The following SULF1 variants were observed in gnomAD, a reference collection of about 807,000 sequenced individuals.
The protein encoded by SULF1 is sulfatase 1.
Under a neutral mutation model 110.5 loss-of-function variants are expected in SULF1, and 46 were observed. The observed-to-expected ratio is 0.42, with a 90% CI of 0.33 to 0.53. SULF1 has a LOEUF of 0.53. Ranked by LOEUF, SULF1 falls within the 20% of genes least tolerant of loss-of-function variation. The probability of loss-of-function intolerance (pLI) is 0.12; values close to 1 mark genes in which losing one functional copy is unlikely to be tolerated. For missense variants in SULF1, 941 were observed against 1,094.2 expected, an observed-to-expected ratio of 0.86 and a Z score of 1.98; for synonymous variants, 371 against 387.1, an observed-to-expected ratio of 0.96 and a Z score of 0.49.
intron 13 of SULF1, among the ~76,000 whole-genome samples, chr8:69,615,261 C>T (rs1809003655): frequency 6.6e-6 from 1 of 152,186 alleles, no homozygotes; most frequent in African/African-American, 2.4e-5. Flanking sequence ...CAGAGCAATT[C>T]TTTTAAAAAT....
At chr8:69,473,118 G>A (rs1809155065) in intron 1 of SULF1, 1 of 152,028 alleles carries the variant, frequency 6.6e-6, no homozygotes, top group Non-Finnish European at 1.5e-5. Context: ...GGTATTACAG[G>A]TGTGAGCAAC....
chr8:69,629,442 G>C, intron 18 of SULF1, 62 bp from the exon 19 acceptor site: 1 of 1,511,842 alleles, frequency 6.6e-7, no homozygotes, highest in Admixed American at 2.1e-5. Flanking sequence ...ACAGCAACAA[G>C]CCTATTTGTA....
chr8:69,658,201 T>C (rs1249436308), intron 22 of SULF1, among the ~76,000 whole-genome samples: 4 of 152,228 alleles, frequency 2.6e-5, no homozygotes, highest in Admixed American at 2.0e-4. Flanking sequence ...GGTTGCAAAG[T>C]TGATTTGAGT....
chr8:69,641,764 A>G (rs541387246), intron 22 of SULF1, among the ~76,000 whole-genome samples: 36 of 152,120 alleles, frequency 2.4e-4, no homozygotes, highest in Non-Finnish European at 4.4e-4. Flanking sequence ...TAAATAAATA[A>G]AAAAATAAAG....
intron 17 of SULF1, 87 bp downstream of exon 17, chr8:69,627,953 T>G (rs547867743): frequency 1.9e-6 from 2 of 1,031,788 alleles, no homozygotes; most frequent in Non-Finnish European, 3.0e-6. Flanking sequence ...TTTTCTCTCT[T>G]ACCTATAGAA....
Position 69,603,252 on chromosome 8 carries a change from C to T in SULF1, c.1122C>T (p.Leu374=), listed in dbSNP as rs1161567744. Residue 374 remains leucine, a synonymous_variant, in exon 11 of 23, where the codon CTC becomes CTT. Coordinates refer to ENST00000402687, the MANE Select transcript of SULF1 (RefSeq NM_001128205.2). ...LAPTILDIAG[L]DTPPDVDGKS... ...CCACGATCCTGGATATTGCTGGGCT[C>T]GACACACCTCCTGATGTGGACGGCA... is the stretch of plus-strand genomic sequence containing the variant. The T allele has an allele frequency of 7.4e-6, 12 of 1,614,148 alleles. No homozygotes were observed. Among genetic ancestry groups the T allele is most frequent in the Non-Finnish European group, 9.3e-6 (11 of 1,180,024 alleles).
intron 8 of SULF1, among the ~76,000 whole-genome samples, chr8:69,599,936 C>A (rs1339958581): frequency 1.3e-5 from 2 of 152,110 alleles, no homozygotes; most frequent in South Asian, 2.1e-4. Context: ...AGGACAATAT[C>A]CTTGTGGCTT....
intron 3 of SULF1, among the ~76,000 whole-genome samples, chr8:69,546,373 G>A (rs926530328): frequency 3.3e-5 from 5 of 152,148 alleles, no homozygotes; most frequent in Non-Finnish European, 5.9e-5. Context: ...TTATCCCCGT[G>A]GTCAGGCAAA....
At chr8:69,585,391 A>G (rs972822592) in intron 6 of SULF1, among the ~76,000 whole-genome samples, 4 of 152,164 alleles carry the variant, frequency 2.6e-5, no homozygotes, top group African/African-American at 9.7e-5. Flanking sequence ...CAGTATATTT[A>G]TGACTACCAT....
chr8:69,624,332 C>T, intron 15 of SULF1, 135 bp downstream of exon 15: 2 of 1,168,558 alleles, frequency 1.7e-6, no homozygotes, highest in Non-Finnish European at 2.4e-6. Context: ...GCCTATGTAG[C>T]AACTGGGGGT....
At position 69,629,570 on chromosome 8, in the gene SULF1, G is replaced by A. The variant is rs1810359005; in HGVS notation, c.2175G>A (p.Lys725=). The A allele has an allele frequency of 6.2e-7, 1 of 1,613,982 alleles. No homozygotes were observed. Residue 725 remains lysine, a synonymous_variant, in exon 19 of 23, where the codon AAG becomes AAA. Coordinates refer to ENST00000402687, the MANE Select transcript of SULF1 (RefSeq NM_001128205.2). Reference sequence around the variant, plus strand: ...AGGAGAACAACCGTAGGAGGAAGAAGGAGAGGAAGGAGAAGAGACGGCAGA... The same window carrying A: ...AGGAGAACAACCGTAGGAGGAAGAAAGAGAGGAAGGAGAAGAGACGGCAGA... ...LFKENNRRRK[K]ERKEKRRQRK...
At chr8:69,540,360 T>C (rs1813775865) in intron 3 of SULF1, among the ~76,000 whole-genome samples, 1 of 152,260 alleles carries the variant, frequency 6.6e-6, no homozygotes, top group Admixed American at 6.5e-5. Context: ...TTTGCATTTA[T>C]AAAATGTTTC....
intron 3 of SULF1, among the ~76,000 whole-genome samples, chr8:69,517,702 A>G (rs1048358029): frequency 1.3e-5 from 2 of 152,218 alleles, no homozygotes; most frequent in East Asian, 3.8e-4. Flanking sequence ...AATAGAAAAT[A>G]AGAGAAAAAG....
At chr8:69,590,426 A>G (rs1381735991) in intron 8 of SULF1, among the ~76,000 whole-genome samples, 2 of 152,176 alleles carry the variant, frequency 1.3e-5, no homozygotes, top group African/African-American at 4.8e-5. Flanking sequence ...CGGCCTCCCA[A>G]AGTGCTGGGA....
At chr8:69,495,536 C>T (rs1810285097) in intron 1 of SULF1, among the ~76,000 whole-genome samples, 1 of 152,142 alleles carries the variant, frequency 6.6e-6, no homozygotes. Flanking sequence ...TCTTGTGTCC[C>T]TGCTGCCAAA....
chr8:69,640,710 T>C, intron 21 of SULF1, 98 bp from the exon 22 acceptor site: 1 of 1,032,688 alleles, frequency 9.7e-7, no homozygotes, highest in East Asian at 2.5e-5. Flanking sequence ...CATGTGTTTC[T>C]TTCTAGGATT....
At chr8:69,509,128 G>T (rs1057337181) in intron 3 of SULF1, among the ~76,000 whole-genome samples, 2 of 152,172 alleles carry the variant, frequency 1.3e-5, no homozygotes, top group Non-Finnish European at 2.9e-5. Flanking sequence ...GACATATGAA[G>T]CCACTCAAAC....
At chr8:69,641,571 A>T (rs1338275529) in intron 22 of SULF1, among the ~76,000 whole-genome samples, 2 of 151,578 alleles carry the variant, frequency 1.3e-5, no homozygotes, top group Non-Finnish European at 2.9e-5. Flanking sequence ...AAAGTGAGAT[A>T]AAAAAAAATT....
At chr8:69,545,999 C>T (rs1369791616) in intron 3 of SULF1, among the ~76,000 whole-genome samples, 1 of 152,132 alleles carries the variant, frequency 6.6e-6, no homozygotes, top group Non-Finnish European at 1.5e-5. Flanking sequence ...CCAGCCTCCA[C>T]ACTGTTTTAT....
Sources: allele counts gnomAD v4.1 joint callset (sites outside exome capture counted in the v4.1 genomes callset), GRCh38; gene constraint gnomAD v4.1.1; transcripts MANE v1.5; gene names NCBI Gene and HGNC (gene_info 2026-07-23, HGNC 2026-07-21).